Variants in ZNF318 observed in about 807,000 individuals in gnomAD.
The protein encoded by ZNF318 is endocrine regulator.
ZNF318 carries 51 observed loss-of-function variants against 124.2 expected under a neutral mutation model. The observed-to-expected ratio is 0.41, with a 90% CI of 0.33 to 0.52. The LOEUF is 0.52. Ranked by LOEUF, ZNF318 falls within the 20% of genes least tolerant of loss-of-function variation. The pLI, the probability that ZNF318 is intolerant of heterozygous loss-of-function variation, is 0.23. For synonymous variants in ZNF318, 1,090 were observed against 1,040.7 expected (o/e 1.05, Z -0.91); for missense variants, 2,815 against 2,811.2 (o/e 1.00, Z -0.03).
Position 43,339,923 on chromosome 6 carries a change from G to A in ZNF318, c.4075C>T (p.Leu1359Phe). The A allele has an allele frequency of 1.2e-6, 2 of 1,614,160 alleles. No homozygotes were observed. Among genetic ancestry groups the A allele is most frequent in the Non-Finnish European group, 1.7e-6 (2 of 1,180,034 alleles). ...RPNLPIPSTV[L>F]RKSCSATMSK... ...ATTGTGGCTGAACATGACTTGCGGA[G>A]TACTGTGGATGGAATAGGCAGGTTG... Residue 1359 changes from leucine to phenylalanine, a missense_variant, in exon 10 of 10, where the codon CTC becomes TTC. By Grantham distance (22) the Leu-to-Phe change is conservative. Around this residue, in one of 4 missense-constraint regions of ZNF318, gnomAD observed 500 missense variants for 605.2 expected, o/e 0.83. Coordinates refer to ENST00000361428, the MANE Select transcript of ZNF318 (RefSeq NM_014345.3). This position sits in a 1 kb window ranked among gnomAD's most constrained non-coding sequence, Gnocchi z 4.2.
intron 9 of ZNF318, 115 bp downstream of exon 9, chr6:43,340,675 G>T: frequency 6.6e-7 from 1 of 1,514,448 alleles, no homozygotes; most frequent in Non-Finnish European, 9.0e-7. Context: ...AGAACTTAGA[G>T]GTTATATGGA....
At chr6:43,344,453 T>A (rs1779412022) in intron 6 of ZNF318, among the ~76,000 whole-genome samples, 1 of 152,194 alleles carries the variant, frequency 6.6e-6, no homozygotes, top group African/African-American at 2.4e-5. Flanking sequence ...TTGTTAAAAA[T>A]GGTATTATAG....
intron 2 of ZNF318, among the ~76,000 whole-genome samples, chr6:43,361,032 C>G (rs779886540): frequency 1.8e-4 from 28 of 151,952 alleles, no homozygotes; most frequent in Non-Finnish European, 3.8e-4. Context: ...TCTGAATATG[C>G]GAAAAATCAC....
chr6:43,339,544 G>A lies in ZNF318; in HGVS notation c.4454C>T (p.Thr1485Ile), dbSNP rs1779340012. 6.2e-7 allele frequency: 1 copy of A among 1,613,688 alleles called. No individual in the cohort carries two copies. Among genetic ancestry groups the A allele is most frequent in the East Asian group, 2.2e-5 (1 of 44,836 alleles). The part of the protein sequence containing the change: ...PVKSNPVVSQ[T>I]LSPGFVGPNI... ...AGGACCCACGAAGCCAGGGCTGAGA[G>A]TCTGAGATACAACTGGGTTTGATTT... The change falls in exon 10 of 10, where the codon ACT becomes ATT. Residue 1485 changes from threonine to isoleucine, a missense_variant. Transcript: ENST00000361428. The surrounding 1 kb of genome is among the most constrained non-coding windows in gnomAD (Gnocchi z 4.2).
intron 5 of ZNF318, among the ~76,000 whole-genome samples, chr6:43,352,145 A>AATCATC (rs3078977): frequency 0.02 from 2,347 of 117,092 alleles, 40 homozygotes; most frequent in Non-Finnish European, 0.027. Context: ...CTTCGTCTCA[A>AATCATC]ATCATCATCA....
chr6:43,341,601 G>A (rs911538146), intron 8 of ZNF318, among the ~76,000 whole-genome samples: 2 of 146,326 alleles, frequency 1.4e-5, no homozygotes, highest in African/African-American at 5.1e-5. Flanking sequence ...AGTGAGCAGA[G>A]ATAGCACCAC....
chr6:43,352,227 G>C (rs1475467389), intron 5 of ZNF318, 150 bp downstream of exon 5: 1 of 622,170 alleles, frequency 1.6e-6, no homozygotes, highest in African/African-American at 1.8e-5. Flanking sequence ...AGAATTCTTT[G>C]CACTATTATT....
intron 9 of ZNF318, 65 bp from the exon 10 acceptor site, chr6:43,340,567 C>A: frequency 6.6e-7 from 1 of 1,506,104 alleles, no homozygotes. Flanking sequence ...ATCTTGGCCC[C>A]GCTACTGTTA....
At chr6:43,365,207 T>A in intron 2 of ZNF318, 85 bp downstream of exon 2, 1 of 1,452,042 alleles carries the variant, frequency 6.9e-7, no homozygotes, top group Non-Finnish European at 9.4e-7. Context: ...GCTGGCACCA[T>A]CCTTTCAAAT....
intron 2 of ZNF318, among the ~76,000 whole-genome samples, chr6:43,361,871 T>C (rs2150756867): frequency 6.6e-6 from 1 of 152,120 alleles, no homozygotes; most frequent in South Asian, 2.1e-4. Context: ...TAAACAAACA[T>C]CTGGCCAGGC....
chr6:43,345,981 T>C (rs1779434250), intron 6 of ZNF318, among the ~76,000 whole-genome samples: 2 of 151,710 alleles, frequency 1.3e-5, no homozygotes. Context: ...GGCAGGTGGA[T>C]TACCTGAGGT....
rs910844897 is a variant in ZNF318 at position 43,338,043 on chromosome 6, G to A, written c.5955C>T (p.Val1985=). The change falls in exon 10 of 10, where the codon GTC becomes GTT. Residue 1985 remains valine (V), a synonymous_variant. Transcript: ENST00000361428. ...PKTEALELQD[V]HPELTVTIES... ...CTATTGTCACTGTTAACTCTGGATG[G>A]ACATCTTGTAGCTCCAGTGCTTCTG... is the stretch of plus-strand genomic sequence containing the variant. The A allele has an allele frequency of 3.1e-6, 5 of 1,614,186 alleles. No homozygotes were observed. Among genetic ancestry groups the A allele is most frequent in the Non-Finnish European group, 4.2e-6 (5 of 1,180,032 alleles).
At chr6:43,364,330 T>TAAA in intron 2 of ZNF318, 1 of 126,356 alleles carries the variant, frequency 7.9e-6, no homozygotes, top group Non-Finnish European at 1.5e-5. Context: ...GAATTAAGCC[T>TAAA]GAAAAAAAAA....
chr6:43,365,576 G>T, intron 1 of ZNF318, 136 bp from the exon 2 acceptor site: 1 of 775,088 alleles, frequency 1.3e-6, no homozygotes. Flanking sequence ...GGAGGCTGAG[G>T]TGTATAGGCC....
At chr6:43,368,533 C>A (rs1427943804) in intron 1 of ZNF318, among the ~76,000 whole-genome samples, 2 of 152,202 alleles carry the variant, frequency 1.3e-5, no homozygotes, top group Non-Finnish European at 2.9e-5. Context: ...TTCAAGCGTC[C>A]CTAACTCGCC....
chr6:43,357,314 T>A lies in ZNF318; in HGVS notation c.1000A>T (p.Ser334Cys). 6.2e-7 allele frequency: 1 copy of A among 1,614,138 alleles called. No individual in the cohort carries two copies. The highest frequency in any genetic ancestry group is 8.5e-7 in the Non-Finnish European group (1 of 1,180,006). The part of the protein sequence containing the change: ...KREEEEERSR[S>C]LSQELVGVDG... ...ACTCCAACCAGCTCCTGACTCAAGC[T>A]CCTACTTCGCTCCTCCTCTTCCTCT... The change falls in exon 3 of 10, where the codon AGC becomes TGC. Residue 334 changes from serine to cysteine, a missense_variant. Around this residue, in one of 4 missense-constraint regions of ZNF318, gnomAD observed 1,377 missense variants for 1,353.5 expected, o/e 1.02. Transcript: ENST00000361428.
intron 5 of ZNF318, among the ~76,000 whole-genome samples, chr6:43,351,977 C>T (rs6928698): frequency 0.029 from 4,367 of 152,058 alleles, 220 homozygotes; most frequent in African/African-American, 0.097. Flanking sequence ...CCCATCTCTA[C>T]TACAAATACG....
At position 43,363,923 on chromosome 6, in the gene ZNF318, G is replaced by C. The variant is rs1581652075; in HGVS notation, c.548+1369C>G. On this transcript the variant is annotated intron_variant, in intron 2 of 9. Coordinates refer to ENST00000361428, the MANE Select transcript of ZNF318 (RefSeq NM_014345.3). ...ATTCTCCCTGTGCACAGAGGCTACT[G>C]GGGGAACAAGATCCACAAGCCCCAC... The C allele has an allele frequency of 2.2e-5, 15 of 675,822 alleles. No individual in the cohort carries two copies. In the South Asian group the frequency reaches 2.3e-4, roughly 10 times the overall value. The allele number at this position is 675,822 out of a possible 1,614,324, so 41.9% of individuals were successfully genotyped here.
In ZNF318 at chr6:43,340,138, T is replaced by C. The variant is rs1779352163; in HGVS notation, c.3860A>G (p.Lys1287Arg). 8.1e-6 allele frequency: 13 copies of C among 1,614,184 alleles called. No individual in the cohort carries two copies. Among genetic ancestry groups the C allele is most frequent in the Non-Finnish European group, 1.1e-5 (13 of 1,180,042 alleles). ...SWKKPEKEEE[K>R]SSLVTPSISK... ...GATACTTGGGGTCACCAATGAACTT[T>C]TCTCCTCTTCTTTTTCTGGCTTCTT... The change falls in exon 10 of 10, where the codon AAA (lysine) becomes AGA (arginine). Residue 1287 changes from lysine to arginine, a missense_variant. Lys to Arg is a conservative substitution (Grantham distance 26). Transcript: ENST00000361428.
Sources: allele counts gnomAD v4.1 joint callset (sites outside exome capture counted in the v4.1 genomes callset), GRCh38; gene constraint gnomAD v4.1.1; regional missense constraint gnomAD v4.1.1; non-coding constraint Gnocchi (gnomAD v3.1); transcripts MANE v1.5; gene names NCBI Gene and HGNC (gene_info 2026-07-23, HGNC 2026-07-21).